HSD17B12: variants seen among roughly 807,000 people sequenced by gnomAD.
HSD17B12 encodes very-long-chain 3-oxoacyl-CoA reductase.
A neutral mutation model predicts 39.3 loss-of-function variants in HSD17B12; 32 were observed. The ratio of observed to expected loss-of-function variants is 0.81; its 90% CI spans 0.61 to 1.09. HSD17B12 has a LOEUF of 1.09. Among genes scored for constraint, HSD17B12 ranks in the 50% least tolerant of loss-of-function variants. The probability of loss-of-function intolerance (pLI) is 0.00; values close to 1 mark genes in which losing one functional copy is unlikely to be tolerated. For missense variants in HSD17B12, 342 were observed against 382.9 expected (o/e 0.89, Z 0.89); for synonymous variants, 150 against 146.7 (o/e 1.02, Z -0.16).
chr11:43,682,578 G>A (rs2134737767), intron 1 of HSD17B12, among the ~76,000 whole-genome samples: 1 of 149,064 alleles, frequency 6.7e-6, no homozygotes, highest in South Asian at 2.1e-4. Context: ...AGAAAGTGAA[G>A]TATTCAACTT....
chr11:43,602,810 A>G, the HSD17B12 span, among the ~76,000 whole-genome samples: 5 of 152,068 alleles, frequency 3.3e-5, no homozygotes, highest in South Asian at 1.0e-3. Flanking sequence ...ACAGCACAGG[A>G]ACATGGATTG....
At chr11:43,742,160 C>T (rs1950373656) in intron 1 of HSD17B12, among the ~76,000 whole-genome samples, 1 of 137,004 alleles carries the variant, frequency 7.3e-6, no homozygotes, top group South Asian at 2.3e-4. Flanking sequence ...TAAATTGAGA[C>T]AGGATCTCAC....
chr11:43,581,285 G>A, the HSD17B12 span: 6 of 463,992 alleles, frequency 1.3e-5, no homozygotes, highest in Non-Finnish European at 2.2e-5. This position sits in a 1 kb window ranked among gnomAD's most constrained non-coding sequence, Gnocchi z 4.9. Flanking sequence ...GCGGAGTGGT[G>A]AGACTGAGCC....
intron 9 of HSD17B12, among the ~76,000 whole-genome samples, chr11:43,845,524 G>A (rs1375494882): frequency 6.6e-6 from 1 of 152,114 alleles, no homozygotes; most frequent in Admixed American, 6.6e-5. Context: ...TCATGACAGT[G>A]ACATTTTTTA....
At chr11:43,786,790 C>T (rs533264977) in intron 3 of HSD17B12, among the ~76,000 whole-genome samples, 1 of 152,258 alleles carries the variant, frequency 6.6e-6, no homozygotes, top group South Asian at 2.1e-4. Flanking sequence ...GATTGGATAA[C>T]TTAATGTTAT....
the HSD17B12 span, among the ~76,000 whole-genome samples, chr11:43,619,224 A>ATT: frequency 2.6e-5 from 1 of 37,820 alleles, no homozygotes; most frequent in Non-Finnish European, 5.2e-5. Context: ...AAATATATAT[A>ATT]TATGATATAT....
At chr11:43,603,960 C>G in the HSD17B12 span, among the ~76,000 whole-genome samples, 1 of 151,936 alleles carries the variant, frequency 6.6e-6, no homozygotes. Flanking sequence ...ATGTACTAAC[C>G]TGACAATTTT....
the HSD17B12 span, chr11:43,584,707 C>T: frequency 5.3e-5 from 8 of 152,204 alleles, no homozygotes; most frequent in Non-Finnish European, 1.0e-4. Context: ...ATGGTTTCTT[C>T]GCCTGAGCAG....
At chr11:43,850,215 G>T (rs1234888876) in intron 9 of HSD17B12, among the ~76,000 whole-genome samples, 1 of 152,140 alleles carries the variant, frequency 6.6e-6, no homozygotes, top group African/African-American at 2.4e-5. Flanking sequence ...ATATGGAAAA[G>T]CTAATTTCGT....
chr11:43,631,002 G>A, the HSD17B12 span, among the ~76,000 whole-genome samples: 1 of 152,052 alleles, frequency 6.6e-6, no homozygotes, highest in East Asian at 1.9e-4. Flanking sequence ...ATGGGTTTTT[G>A]CCATGTTGGT....
the HSD17B12 span, among the ~76,000 whole-genome samples, chr11:43,609,813 T>A: frequency 2.0e-5 from 3 of 152,204 alleles, no homozygotes; most frequent in Non-Finnish European, 4.4e-5. Context: ...GGAACTGGTT[T>A]CCCCATTTGT....
intron 1 of HSD17B12, among the ~76,000 whole-genome samples, chr11:43,721,118 A>G (rs905085266): frequency 1.3e-5 from 2 of 151,852 alleles, no homozygotes; most frequent in East Asian, 1.9e-4. Flanking sequence ...TAGAGCTTAC[A>G]TTCAAGTATG....
chr11:43,669,119 A>C, the HSD17B12 span, among the ~76,000 whole-genome samples: 106,419 of 151,768 alleles, frequency 0.7, 38,045 homozygotes, highest in East Asian at 0.94. Context: ...TTAAAAAAAA[A>C]AAAAAGCAAA....
the HSD17B12 span, chr11:43,646,384 T>A: frequency 2.6e-5 from 4 of 152,220 alleles, no homozygotes; most frequent in Non-Finnish European, 5.9e-5. Flanking sequence ...TTTTAAATGA[T>A]CCATATTGTC....
intron 1 of HSD17B12, among the ~76,000 whole-genome samples, chr11:43,710,486 G>A (rs931946748): frequency 1.1e-4 from 16 of 152,166 alleles, no homozygotes; most frequent in Non-Finnish European, 1.9e-4. Flanking sequence ...AGCAGGATAT[G>A]TAAACTTTTA....
intron 1 of HSD17B12, among the ~76,000 whole-genome samples, chr11:43,691,628 A>G (rs778917413): frequency 6.6e-6 from 1 of 152,154 alleles, no homozygotes; most frequent in Non-Finnish European, 1.5e-5. Context: ...GAAGCCTCCA[A>G]TCAAGTTACC....
the HSD17B12 span, among the ~76,000 whole-genome samples, chr11:43,574,659 C>T: frequency 3.9e-5 from 6 of 152,302 alleles, no homozygotes; most frequent in East Asian, 9.6e-4. Flanking sequence ...TCCACACACA[C>T]ATGCACACCC....
chr11:43,698,199 G>T (rs1435286388), intron 1 of HSD17B12, among the ~76,000 whole-genome samples: 1 of 152,158 alleles, frequency 6.6e-6, no homozygotes, highest in Non-Finnish European at 1.5e-5. Flanking sequence ...GGACTGTGAG[G>T]GGTCTGAGCT....
At chr11:43,611,996 C>T in the HSD17B12 span, among the ~76,000 whole-genome samples, 4 of 152,124 alleles carry the variant, frequency 2.6e-5, no homozygotes, top group African/African-American at 9.7e-5. Flanking sequence ...TATTATTCTC[C>T]TTATCATTAT....
Sources: allele counts gnomAD v4.1 joint callset (sites outside exome capture counted in the v4.1 genomes callset), GRCh38; gene constraint gnomAD v4.1.1; non-coding constraint Gnocchi (gnomAD v3.1); transcripts MANE v1.5; gene names NCBI Gene and HGNC (gene_info 2026-07-23, HGNC 2026-07-21).